PSTPIP2: variants seen among roughly 807,000 people sequenced by gnomAD.
The protein encoded by PSTPIP2 is proline-serine-threonine phosphatase interacting protein 2.
A neutral mutation model predicts 63.3 loss-of-function variants in PSTPIP2; 33 were observed. That is an observed-to-expected ratio of 0.52 (90% CI 0.40 to 0.70). PSTPIP2 has a LOEUF of 0.70. Ranked by LOEUF, PSTPIP2 falls within the 30% of genes least tolerant of loss-of-function variation. PSTPIP2 has a pLI of 0.00. For synonymous variants in PSTPIP2, 125 were observed against 132.7 expected (o/e 0.94, Z 0.40); for missense variants, 312 against 400.7 (o/e 0.78, Z 1.89).
At chr18:46,062,409 GGTGGGTGGATCAT>G (rs1278103954) in intron 1 of PSTPIP2, among the ~76,000 whole-genome samples, 1 of 152,030 alleles carries the variant, frequency 6.6e-6, no homozygotes, top group Non-Finnish European at 1.5e-5. Flanking sequence ...AGGAGGCCGA[GGTGGGTGGATCAT>G]GTGAGGTCAG....
chr18:46,056,663 G>C (rs1908766528), intron 1 of PSTPIP2, among the ~76,000 whole-genome samples: 1 of 152,190 alleles, frequency 6.6e-6, no homozygotes, highest in South Asian at 2.1e-4. Flanking sequence ...AGAGTTCAAA[G>C]CTGCAGTGAG....
chr18:46,054,776 T>C (rs1599744855), intron 1 of PSTPIP2, among the ~76,000 whole-genome samples: 1 of 151,490 alleles, frequency 6.6e-6, no homozygotes, highest in African/African-American at 2.4e-5. Flanking sequence ...TTCTCCTGCC[T>C]CAGCCTCCTG....
At chr18:46,015,797 T>C in intron 4 of PSTPIP2, 106 bp downstream of exon 4, 1 of 1,297,580 alleles carries the variant, frequency 7.7e-7, no homozygotes. Context: ...TCTAATTTTT[T>C]TTCACCCACT....
Position 46,045,887 on chromosome 18 carries a change from G to A in PSTPIP2, c.34-5840C>T, listed in dbSNP as rs544150692. ...CACTTGAGCCCAGGAGGTTGAGGCT[G>A]TAGTGAGCTTTGCATCACTGCACTC... On this transcript the variant is annotated intron_variant, in intron 1 of 14. Transcript: ENST00000409746. 1.1e-4 allele frequency among the ~76,000 whole-genome samples: 17 copies of A among 152,326 alleles called. 1 individual carries two copies. In the South Asian group the frequency reaches 3.1e-3, roughly 28 times the overall value.
chr18:46,067,287 G>A (rs551026909), intron 1 of PSTPIP2, among the ~76,000 whole-genome samples: 81 of 152,030 alleles, frequency 5.3e-4, no homozygotes, highest in African/African-American at 1.9e-3. Flanking sequence ...CGGATCACGA[G>A]ATCAGGAGAT....
At chr18:46,011,385 A>G in intron 4 of PSTPIP2, 98 bp from the exon 5 acceptor site, 2 of 954,362 alleles carry the variant, frequency 2.1e-6, no homozygotes, top group South Asian at 3.0e-5. Flanking sequence ...AAAATACTGG[A>G]GTAAGTGGTA....
chr18:46,069,336 T>C (rs961397114), intron 1 of PSTPIP2, among the ~76,000 whole-genome samples: 2 of 152,140 alleles, frequency 1.3e-5, no homozygotes, highest in Non-Finnish European at 2.9e-5. Flanking sequence ...TCTGACAAGA[T>C]ACAATCAAAG....
At chr18:46,054,892 C>G (rs904767152) in intron 1 of PSTPIP2, among the ~76,000 whole-genome samples, 3 of 151,832 alleles carry the variant, frequency 2.0e-5, no homozygotes, top group African/African-American at 7.3e-5. Context: ...CTCCTGACCT[C>G]GTTATCCACC....
At chr18:45,997,869 G>A in intron 8 of PSTPIP2, 41 bp from the exon 9 acceptor site, 1 of 1,580,608 alleles carries the variant, frequency 6.3e-7, no homozygotes, top group African/African-American at 1.3e-5. Context: ...AACTAGACAG[G>A]AAGGTGGCTC....
At chr18:46,065,395 G>A (rs978698728) in intron 1 of PSTPIP2, among the ~76,000 whole-genome samples, 2 of 151,570 alleles carry the variant, frequency 1.3e-5, no homozygotes, top group East Asian at 2.0e-4. Flanking sequence ...GGGTTCAAAC[G>A]ATTCTCCTGT....
intron 3 of PSTPIP2, among the ~76,000 whole-genome samples, chr18:46,018,760 G>C (rs542480734): frequency 7.9e-5 from 12 of 152,266 alleles, no homozygotes; most frequent in African/African-American, 2.6e-4. Flanking sequence ...ATGAAGAAAA[G>C]CTTGAATCCA....
chr18:46,067,876 T>C (rs940418153), intron 1 of PSTPIP2, among the ~76,000 whole-genome samples: 1 of 152,248 alleles, frequency 6.6e-6, no homozygotes, highest in African/African-American at 2.4e-5. Context: ...AGTCTGAAGT[T>C]TTTCTTTTCA....
intron 2 of PSTPIP2, chr18:46,028,969 T>G: frequency 9.5e-7 from 1 of 1,051,390 alleles, no homozygotes; most frequent in South Asian, 1.3e-5. Context: ...TGCTCAGATC[T>G]CATCTGTGCA....
intron 9 of PSTPIP2, chr18:45,993,905 C>T (rs2051564524): frequency 1.4e-5 from 8 of 557,770 alleles, no homozygotes; most frequent in Admixed American, 3.0e-5. Context: ...CACAGTAACA[C>T]AAACAGGCTT....
chr18:46,066,929 A>T (rs1909209966), intron 1 of PSTPIP2, among the ~76,000 whole-genome samples: 1 of 151,592 alleles, frequency 6.6e-6, no homozygotes, highest in Admixed American at 6.6e-5. Context: ...CGGGAGGCTG[A>T]GGCAGAAGAA....
chr18:45,995,237 C>T (rs941947719), intron 9 of PSTPIP2, among the ~76,000 whole-genome samples: 1 of 152,036 alleles, frequency 6.6e-6, no homozygotes, highest in African/African-American at 2.4e-5. Flanking sequence ...GCCTCAGGTT[C>T]CCAAGTAGCC....
At chr18:46,066,673 G>A (rs376928966) in intron 1 of PSTPIP2, among the ~76,000 whole-genome samples, 23 of 152,274 alleles carry the variant, frequency 1.5e-4, no homozygotes, top group African/African-American at 2.4e-4. Context: ...GCCAGAGCCC[G>A]TCCTTAATGA....
At chr18:46,049,410 A>G (rs531493673) in intron 1 of PSTPIP2, among the ~76,000 whole-genome samples, 1 of 152,240 alleles carries the variant, frequency 6.6e-6, no homozygotes, top group South Asian at 2.1e-4. Flanking sequence ...AACCCCCATG[A>G]CACAAGTTTG....
At chr18:46,016,964 T>G (rs1213541706) in intron 3 of PSTPIP2, among the ~76,000 whole-genome samples, 2 of 152,224 alleles carry the variant, frequency 1.3e-5, no homozygotes, top group Non-Finnish European at 2.9e-5. Flanking sequence ...ATTTACAAAC[T>G]GTTTAGATTT....
Sources: allele counts gnomAD v4.1 joint callset (sites outside exome capture counted in the v4.1 genomes callset), GRCh38; gene constraint gnomAD v4.1.1; transcripts MANE v1.5; gene names NCBI Gene and HGNC (gene_info 2026-07-23, HGNC 2026-07-21).